Variants in ERI1 observed in about 807,000 individuals in gnomAD.
ERI1 encodes the protein exoribonuclease 1.
A neutral mutation model predicts 39.7 loss-of-function variants in ERI1; 39 were observed. That is an observed-to-expected ratio of 0.98 (90% CI 0.76 to 1.28). ERI1 has a LOEUF of 1.28. Among genes scored for constraint, ERI1 ranks in the 50% most tolerant of loss-of-function variants. The probability of loss-of-function intolerance (pLI) is 0.00; values close to 1 mark genes in which losing one functional copy is unlikely to be tolerated. For missense variants in ERI1, 581 were observed against 416.9 expected (o/e 1.39, Z -3.43); for synonymous variants, 204 against 149.6 (o/e 1.36, Z -2.65).
At chr8:9,012,413 C>T (rs1816765684) in intron 3 of ERI1, among the ~76,000 whole-genome samples, 1 of 152,204 alleles carries the variant, frequency 6.6e-6, no homozygotes, top group Admixed American at 6.5e-5. Flanking sequence ...ATCCTAACAT[C>T]TCAACTTTCC....
intron 3 of ERI1, among the ~76,000 whole-genome samples, chr8:9,015,916 T>C (rs961350209): frequency 6.6e-6 from 1 of 152,126 alleles, no homozygotes; most frequent in Non-Finnish European, 1.5e-5. Context: ...AGAAAAATAG[T>C]TTAAAGCTAA....
downstream of ERI1, among the ~76,000 whole-genome samples, chr8:9,035,175 G>A (rs944224982): frequency 6.6e-6 from 1 of 152,174 alleles, no homozygotes; most frequent in Non-Finnish European, 1.5e-5. Context: ...ATTATAGCAA[G>A]TTATCTAGCT....
chr8:9,088,087 T>A (rs1345889777), intron 3 of ERI1, among the ~76,000 whole-genome samples: 1 of 152,134 alleles, frequency 6.6e-6, no homozygotes, highest in Non-Finnish European at 1.5e-5. Flanking sequence ...TATGAAATCA[T>A]TGCTGATTTC....
intron 3 of ERI1, 34 bp downstream of exon 3, chr8:9,011,786 A>G (rs1269805274): frequency 1.3e-6 from 2 of 1,498,954 alleles, no homozygotes; most frequent in Non-Finnish European, 9.1e-7. Context: ...TTGTATTTCT[A>G]GCAGCAACTA....
rs184661371 is a variant in ERI1, at chr8:9,008,035, G to C, written c.174G>C (p.Ala58=). 2.5e-6 allele frequency: 4 copies of C among 1,604,532 alleles called. No individual in the cohort carries two copies. The highest frequency in any genetic ancestry group is 1.1e-5 in the South Asian group (1 of 90,574). Residue 58 remains alanine, a synonymous_variant, in exon 2 of 7, where the codon GCG becomes GCC. Coordinates refer to ENST00000250263, the MANE Select transcript of ERI1 (RefSeq NM_153332.4). ...TKGSKFITSS[A]SDFSDPVYKE... ...GATCCAAGTTCATTACCTCCAGTGC[G>C]AGTGACTTCAGTGACCCGGTTTACA...
chr8:9,070,906 G>T (rs530018688), intron 3 of ERI1, among the ~76,000 whole-genome samples: 1 of 152,170 alleles, frequency 6.6e-6, no homozygotes, highest in East Asian at 1.9e-4. Context: ...TCATGGTGGT[G>T]GCCCCAGGTG....
chr8:9,011,719 GGTT>G lies in ERI1; in HGVS notation c.469_471del (p.Val157del). On this transcript the variant is annotated inframe_deletion, in exon 3 of 7. Transcript: ENST00000250263. ...TTGTACATGAAATAATTGAATTTCC[GGTT>G]GTTTTACTGAATACGCATACTTTAG... The G allele has an allele frequency of 1.2e-6, 2 of 1,610,828 alleles. No individual in the cohort carries two copies. Among genetic ancestry groups the G allele is most frequent in the Non-Finnish European group, 1.7e-6 (2 of 1,178,292 alleles).
intron 3 of ERI1, among the ~76,000 whole-genome samples, chr8:9,057,909 C>T (rs866632266): frequency 2.6e-5 from 4 of 152,038 alleles, no homozygotes; most frequent in African/African-American, 9.6e-5. Context: ...CCAGGAAGGC[C>T]GAAACGGGGC....
At position 9,007,935 on chromosome 8, in the gene ERI1, CTTTTTTTTTT is replaced by C. The variant is rs556702690; in HGVS notation, c.109-15_109-6del. On this transcript the variant is annotated intron_variant, in intron 1 of 6. Coordinates refer to ENST00000250263, the MANE Select transcript of ERI1 (RefSeq NM_153332.4). Reference sequence around the variant, plus strand: ...GTTTGTACTAATTATAAACTACATCCTTTTTTTTTTTTTTTTTTTTTTTTTTTTTGGTAGG... The same window carrying C: ...GTTTGTACTAATTATAAACTACATCCTTTTTTTTTTTTTTTTTTTGGTAGG... 5.8e-3 allele frequency: 5,597 copies of C among 968,248 alleles called. 4 individuals carry two copies. The highest frequency in any genetic ancestry group is 7.1e-3 in the African/African-American group (250 of 35,256). The allele number at this position is 968,248 out of a possible 1,614,324, so 60.0% of individuals were successfully genotyped here.
chr8:9,097,488 G>A (rs1799912660), intron 3 of ERI1, among the ~76,000 whole-genome samples: 1 of 151,996 alleles, frequency 6.6e-6, no homozygotes, highest in African/African-American at 2.4e-5. Flanking sequence ...GGCCAACATG[G>A]TAAAAACCGG....
chr8:9,050,786 C>T (rs1798332422), intron 3 of ERI1, among the ~76,000 whole-genome samples: 1 of 152,200 alleles, frequency 6.6e-6, no homozygotes, highest in South Asian at 2.1e-4. Flanking sequence ...TATCCCACCA[C>T]AACTCCGGGC....
At chr8:9,009,018 T>C (rs917895560) in intron 2 of ERI1, 1 of 456,168 alleles carries the variant, frequency 2.2e-6, no homozygotes, top group Non-Finnish European at 4.4e-6. Flanking sequence ...TCCCCGATTC[T>C]TTCTGTTATG....
At chr8:9,018,747 T>C (rs753903608) in intron 5 of ERI1, among the ~76,000 whole-genome samples, 2 of 151,754 alleles carry the variant, frequency 1.3e-5, no homozygotes, top group Non-Finnish European at 2.9e-5. Context: ...GCTACCTGTT[T>C]AATCTAATTC....
At chr8:9,079,871 A>G (rs1387982877) in intron 3 of ERI1, among the ~76,000 whole-genome samples, 3 of 151,816 alleles carry the variant, frequency 2.0e-5, no homozygotes, top group Non-Finnish European at 4.4e-5. Flanking sequence ...AGGTTTTGCC[A>G]TGTTGCCCAG....
intron 3 of ERI1, among the ~76,000 whole-genome samples, chr8:9,052,095 T>C (rs111485134): frequency 0.022 from 3,398 of 152,336 alleles, 105 homozygotes; most frequent in South Asian, 0.091. Flanking sequence ...ATAATAACCC[T>C]TCAGTAAATG....
Position 9,012,507 on chromosome 8 carries a change from G to T in ERI1, c.498+755G>T, listed in dbSNP as rs115762170. Among the ~76,000 whole-genome samples, 982 of 152,262 alleles carry T rather than the reference G, an allele frequency of 6.4e-3. 12 individuals are homozygous for T. The highest frequency in any genetic ancestry group is 0.022 in the African/African-American group (923 of 41,540). ...AAGGTTTTGTGAATTAAAATGCATA[G>T]GTTATTAGTGCTATTCAAAATCTCT... On this transcript the variant is annotated intron_variant, in intron 3 of 6. Transcript: ENST00000250263.
At chr8:9,067,928 A>G (rs1331823509) in intron 3 of ERI1, among the ~76,000 whole-genome samples, 4 of 151,252 alleles carry the variant, frequency 2.6e-5, no homozygotes, top group Non-Finnish European at 4.4e-5. Flanking sequence ...ACAAATACAC[A>G]CACACACACA....
intron 4 of ERI1, 52 bp from the exon 5 acceptor site, chr8:9,018,245 C>G (rs1817508343): frequency 2.9e-6 from 3 of 1,030,658 alleles, no homozygotes; most frequent in Admixed American, 2.0e-5. Context: ...TTTTGTAGGT[C>G]TACGTGAAGC....
downstream of ERI1, among the ~76,000 whole-genome samples, chr8:9,036,055 A>G (rs766024986): frequency 4.6e-5 from 7 of 152,228 alleles, no homozygotes; most frequent in Non-Finnish European, 1.0e-4. Context: ...AACTTGAGGA[A>G]TTACTTCTTA....
Sources: gnomAD v4.1 joint callset for allele counts (sites outside exome capture counted in the v4.1 genomes callset) on GRCh38, gnomAD v4.1.1 for gene constraint, MANE v1.5 for transcripts, NCBI Gene and HGNC (gene_info 2026-07-23, HGNC 2026-07-21) for gene names.